Variants in ARSB observed in about 807,000 individuals in gnomAD.
ARSB encodes the protein N-acetylgalactosamine-4-sulfatase.
ARSB carries 41 observed loss-of-function variants against 50.9 expected under a neutral mutation model. The observed-to-expected ratio is 0.81, with a 90% CI of 0.63 to 1.04. The LOEUF (loss-of-function observed/expected upper bound fraction) is 1.04, where lower values mean the gene tolerates loss of function less well. ARSB is among the 50% of genes least tolerant of loss of function. ARSB has a pLI of 0.00. For missense variants in ARSB, 672 were observed against 693.3 expected (o/e 0.97, Z 0.35); for synonymous variants, 269 against 284.8 (o/e 0.94, Z 0.56).
chr5:78,957,283 TG>T (rs1383487314), intron 3 of ARSB, among the ~76,000 whole-genome samples: 2 of 152,120 alleles, frequency 1.3e-5, no homozygotes. Context: ...CAGACTTTGG[TG>T]GGGGGGTGGT....
chr5:78,852,927 T>A (rs564218599), intron 5 of ARSB, among the ~76,000 whole-genome samples: 174 of 152,346 alleles, frequency 1.1e-3, no homozygotes, highest in African/African-American at 4.0e-3. Context: ...TAAGCACTTC[T>A]CTGTATTGGT....
At chr5:78,794,334 C>A (rs905652835) in intron 6 of ARSB, among the ~76,000 whole-genome samples, 2 of 151,648 alleles carry the variant, frequency 1.3e-5, no homozygotes, top group Admixed American at 6.6e-5. Flanking sequence ...GAAAAAAAAA[C>A]ACACAGAATG....
intron 6 of ARSB, among the ~76,000 whole-genome samples, chr5:78,807,276 C>A (rs1009897642): frequency 1.3e-5 from 2 of 152,160 alleles, no homozygotes; most frequent in African/African-American, 4.8e-5. Context: ...TTTTATGTTC[C>A]CAGTTGGTTG....
intron 6 of ARSB, among the ~76,000 whole-genome samples, chr5:78,806,658 A>T (rs1743577969): frequency 6.6e-6 from 1 of 152,216 alleles, no homozygotes; most frequent in Non-Finnish European, 1.5e-5. Context: ...CATTGACCTG[A>T]TGACATTCTG....
intron 5 of ARSB, among the ~76,000 whole-genome samples, chr5:78,876,858 T>C (rs1747504850): frequency 6.6e-6 from 1 of 152,208 alleles, no homozygotes; most frequent in South Asian, 2.1e-4. Context: ...TCTGTCAGAT[T>C]AGTGGCAGCA....
chr5:78,860,355 T>C (rs1188804308), intron 5 of ARSB, among the ~76,000 whole-genome samples: 2 of 152,206 alleles, frequency 1.3e-5, no homozygotes, highest in Non-Finnish European at 2.9e-5. Context: ...TCTTGCTGAA[T>C]TGAAGTAAAG....
At chr5:78,796,231 A>T (rs1743172760) in intron 6 of ARSB, among the ~76,000 whole-genome samples, 1 of 152,284 alleles carries the variant, frequency 6.6e-6, no homozygotes, top group Admixed American at 6.5e-5. Context: ...CTTACTAAAC[A>T]AATACCTATG....
At chr5:78,822,839 T>C (rs973424340) in intron 6 of ARSB, among the ~76,000 whole-genome samples, 9 of 152,172 alleles carry the variant, frequency 5.9e-5, no homozygotes, top group African/African-American at 2.2e-4. Context: ...GGTTTCACCA[T>C]GTTGGCCAGG....
chr5:78,907,361 G>A (rs62379720), intron 4 of ARSB, among the ~76,000 whole-genome samples: 10 of 152,118 alleles, frequency 6.6e-5, no homozygotes, highest in Non-Finnish European at 1.3e-4. Flanking sequence ...TTCTCTCAAC[G>A]TGGTGGAAAA....
chr5:78,904,934 C>A (rs903273875), intron 4 of ARSB, among the ~76,000 whole-genome samples: 2 of 152,122 alleles, frequency 1.3e-5, no homozygotes, highest in South Asian at 4.1e-4. Flanking sequence ...AAGCAATCTG[C>A]CCACCTCAGC....
chr5:78,913,371 G>A (rs1162761036), intron 4 of ARSB, among the ~76,000 whole-genome samples: 1 of 152,064 alleles, frequency 6.6e-6, no homozygotes, highest in Non-Finnish European at 1.5e-5. Flanking sequence ...TGATCCGCCC[G>A]CCTCAGCCTC....
In ARSB at chr5:78,780,637, C is replaced by T. The variant is rs35757003; in HGVS notation, c.1362G>A (p.Pro454=). ...GTATCTCAGAAACATTGTATTGAGA[C>T]GGTGGAGGGAACCAGTAACCACAGC... ...YPGCGYWFPP[P]SQYNVSEIPS... is the part of the protein sequence containing the mutation. The change falls in exon 8 of 8, where the codon CCG becomes CCA. Residue 454 remains proline, a synonymous_variant. Transcript: ENST00000264914. 14,482 of 1,613,940 alleles carry T rather than the reference C, an allele frequency of 9.0e-3. 1,165 individuals carry two copies. In the African/African-American group the frequency reaches 0.17, roughly 19 times the overall value.
At chr5:78,934,838 GTAGA>G (rs1391791755) in intron 4 of ARSB, among the ~76,000 whole-genome samples, 1 of 151,718 alleles carries the variant, frequency 6.6e-6, no homozygotes, top group Non-Finnish European at 1.5e-5. Context: ...AGAAAATGTG[GTAGA>G]TAGATAACTT....
At chr5:78,867,322 C>A (rs555429521) in intron 5 of ARSB, among the ~76,000 whole-genome samples, 5,676 of 151,754 alleles carry the variant, frequency 0.037, 351 homozygotes, top group African/African-American at 0.13. Context: ...CACCACAGCT[C>A]AAGGAGGCCT....
intron 1 of ARSB, among the ~76,000 whole-genome samples, chr5:78,981,229 C>CCCCTAGCCTGA (rs1459065999): frequency 6.4e-4 from 3 of 4,672 alleles, no homozygotes; most frequent in African/African-American, 3.5e-3. Flanking sequence ...GGATTACAGG[C>CCCCTAGCCTGA]GTGAGCCACC....
At chr5:78,930,396 G>C (rs543153375) in intron 4 of ARSB, among the ~76,000 whole-genome samples, 1 of 151,964 alleles carries the variant, frequency 6.6e-6, no homozygotes, top group Non-Finnish European at 1.5e-5. Flanking sequence ...TTTTTAAAAA[G>C]AAGATATTGA....
At chr5:78,881,194 T>C (rs1334812063) in intron 5 of ARSB, among the ~76,000 whole-genome samples, 1 of 151,672 alleles carries the variant, frequency 6.6e-6, no homozygotes, top group Non-Finnish European at 1.5e-5. Context: ...ATCATATCAC[T>C]GCACTCCAGT....
chr5:78,844,418 T>G (rs1352767805), intron 5 of ARSB, among the ~76,000 whole-genome samples: 1 of 152,210 alleles, frequency 6.6e-6, no homozygotes, highest in Non-Finnish European at 1.5e-5. Flanking sequence ...GTTGCATGAA[T>G]TCTTTATATA....
In ARSB at chr5:78,937,299, GAT is replaced by G. The variant is rs1393855759; in HGVS notation, c.898+17994_898+17995del. Among the ~76,000 whole-genome samples, 57 of 126,360 alleles carry G rather than the reference GAT, an allele frequency of 4.5e-4. 2 individuals carry two copies. Among genetic ancestry groups the G allele is most frequent in the African/African-American group, 1.5e-3 (48 of 32,720 alleles). 82.9% of individuals were successfully genotyped at this position (126,360 alleles called of 152,430 possible). ...ATATATGTAAGATATATATATGTAA[GAT>G]ATATATATCATATATATGTAAGATA... On this transcript the variant is annotated intron_variant, in intron 4 of 7. Coordinates refer to ENST00000264914, the MANE Select transcript of ARSB (RefSeq NM_000046.5).
Sources: gnomAD v4.1 joint callset for allele counts (sites outside exome capture counted in the v4.1 genomes callset) on GRCh38, gnomAD v4.1.1 for gene constraint, MANE v1.5 for transcripts, NCBI Gene and HGNC (gene_info 2026-07-23, HGNC 2026-07-21) for gene names.